GNPDA2: variants seen among roughly 807,000 people sequenced by gnomAD.
GNPDA2 encodes glcN6P deaminase 2.
GNPDA2 carries 24 observed loss-of-function variants against 27.0 expected under a neutral mutation model. The ratio of observed to expected loss-of-function variants is 0.89; its 90% confidence interval spans 0.64 to 1.25. The LOEUF is 1.25. Ranked by LOEUF, GNPDA2 falls within the 50% of genes most tolerant of loss-of-function variation. The pLI, the probability that GNPDA2 is intolerant of heterozygous loss-of-function variation, is 0.00. For missense variants in GNPDA2, 286 were observed against 335.1 expected, an observed-to-expected ratio of 0.85 and a Z score of 1.14; for synonymous variants, 94 against 108.4, an observed-to-expected ratio of 0.87 and a Z score of 0.83.
intron 2 of GNPDA2, among the ~76,000 whole-genome samples, chr4:44,721,163 T>C (rs374835205): frequency 2.0e-5 from 3 of 152,262 alleles, no homozygotes; most frequent in South Asian, 2.1e-4. Context: ...TCACGGAAAT[T>C]ACTCAAGTGG....
rs368664443 is a variant in GNPDA2, at chr4:44,707,840, G to A, written c.681C>T (p.Ser227=). The change falls in exon 6 of 7, where the codon TCC becomes TCT. Residue 227 remains serine, a synonymous_variant. Coordinates refer to ENST00000295448, the MANE Select transcript of GNPDA2 (RefSeq NM_138335.3). ...TAGTCCGGGGATGCTGCTGGAAAGC[G>A]GAAACAGTCCACATGTGATTGACTC... is the stretch of plus-strand genomic sequence containing the variant. ...EEGVNHMWTV[S]AFQQHPRTIF... 48 of 1,613,176 alleles carry A rather than the reference G, an allele frequency of 3.0e-5. No homozygotes were observed. The highest frequency in any genetic ancestry group is 2.7e-4 in the South Asian group (25 of 91,050).
intron 2 of GNPDA2, among the ~76,000 whole-genome samples, chr4:44,720,035 C>A (rs1035733879): frequency 6.6e-6 from 1 of 151,886 alleles, no homozygotes; most frequent in Non-Finnish European, 1.5e-5. Context: ...TACAATCTTG[C>A]GAGTTGGAAG....
rs930601454 is a variant in GNPDA2 at position 44,704,933 on chromosome 4, G to A, written c.770-1791C>T. 1.1e-5 allele frequency: 11 copies of A among 983,414 alleles called. No homozygotes were observed. In the East Asian group the frequency reaches 3.4e-4, roughly 30 times the overall value. 60.9% of individuals were successfully genotyped at this position (983,414 alleles called of 1,614,324 possible). A position where few individuals can be genotyped will look rare whatever the true frequency, so the allele number is the denominator to read the frequency against. ...TATTTAAAAAGCAAAAATGAAAAGC[G>A]AGAATGAATAAAACAAATCCCCACG... is the stretch of plus-strand genomic sequence containing the variant. On this transcript the variant is annotated intron_variant, in intron 6 of 6. Transcript: ENST00000295448.
intron 5 of GNPDA2, among the ~76,000 whole-genome samples, chr4:44,708,432 G>T (rs1217869264): frequency 1.3e-5 from 2 of 152,054 alleles, no homozygotes; most frequent in Non-Finnish European, 2.9e-5. Context: ...GCTATTCAAA[G>T]TTGACTCAGA....
chr4:44,706,537 A>G (rs1011943984), intron 6 of GNPDA2: 19 of 151,992 alleles, frequency 1.3e-4, no homozygotes, highest in African/African-American at 4.6e-4. Flanking sequence ...CCATATTCAC[A>G]CATATACATG....
chr4:44,703,286 A>G, intron 6 of GNPDA2, 144 bp from the exon 7 acceptor site: 1 of 1,402,706 alleles, frequency 7.1e-7, no homozygotes, highest in Non-Finnish European at 9.2e-7. Context: ...GAAAAAGTAC[A>G]AATAGAAATG....
At position 44,722,101 on chromosome 4, in the gene GNPDA2, G is replaced by A; in HGVS notation, c.107C>T (p.Thr36Ile). 6.2e-7 allele frequency: 1 copy of A among 1,610,754 alleles called. No homozygotes were observed. Among genetic ancestry groups the A allele is most frequent in the Non-Finnish European group, 8.5e-7 (1 of 1,178,120 alleles). The change falls in exon 2 of 7, where the codon ACA (threonine) becomes ATA (isoleucine). Residue 36 changes from threonine (T) to isoleucine (I), a missense_variant. By Grantham distance (89) the Thr-to-Ile change is moderately conservative (BLOSUM62 -1). Coordinates refer to ENST00000295448, the MANE Select transcript of GNPDA2 (RefSeq NM_138335.3). ...TTAATTACCTGTTGGTAAACCCAGT[G>A]TAAAATATCTGTCCTGTCCAGGTTT... ...QFKPGQDRYFTLGLPTGSTPL... is the reference protein window; with the variant it reads ...QFKPGQDRYFILGLPTGSTPL...
chr4:44,704,875 G>A, intron 6 of GNPDA2: 1 of 983,664 alleles, frequency 1.0e-6, no homozygotes. Context: ...AATTCATGAT[G>A]ATGATGTCAT....
At chr4:44,705,149 G>A (rs1344279131) in intron 6 of GNPDA2, 3 of 984,656 alleles carry the variant, frequency 3.0e-6, no homozygotes, top group Non-Finnish European at 3.6e-6. Context: ...GATGACAGAA[G>A]AAAGGGTAGT....
At chr4:44,709,892 C>A (rs548216979) in intron 5 of GNPDA2, among the ~76,000 whole-genome samples, 1 of 151,976 alleles carries the variant, frequency 6.6e-6, no homozygotes, top group Non-Finnish European at 1.5e-5. Flanking sequence ...GTGGGAAGAT[C>A]TCTTGAGCCC....
At chr4:44,704,137 A>G in intron 6 of GNPDA2, 1 of 985,186 alleles carries the variant, frequency 1.0e-6, no homozygotes, top group Non-Finnish European at 1.2e-6. Context: ...AGTACTGGGA[A>G]GTGTTTGTGT....
intron 1 of GNPDA2, among the ~76,000 whole-genome samples, chr4:44,725,113 G>C (rs1331809057): frequency 6.8e-6 from 1 of 146,852 alleles, no homozygotes; most frequent in African/African-American, 2.5e-5. Context: ...ATTTTTCTCA[G>C]TTCAACACAC....
chr4:44,724,791 C>T (rs1717909843), intron 1 of GNPDA2, among the ~76,000 whole-genome samples: 1 of 152,114 alleles, frequency 6.6e-6, no homozygotes, highest in Non-Finnish European at 1.5e-5. Context: ...TCATGGTCAC[C>T]ATGATCTAGA....
chr4:44,710,351 T>C (rs1358964130), intron 5 of GNPDA2, among the ~76,000 whole-genome samples: 1 of 152,134 alleles, frequency 6.6e-6, no homozygotes, highest in Non-Finnish European at 1.5e-5. Flanking sequence ...TTTAACTACA[T>C]ATAACCACGA....
intron 2 of GNPDA2, among the ~76,000 whole-genome samples, chr4:44,721,845 A>G (rs1013271076): frequency 1.3e-5 from 2 of 152,170 alleles, no homozygotes; most frequent in African/African-American, 4.8e-5. Context: ...TTAAGTTACA[A>G]TATTTCCTAT....
intron 4 of GNPDA2, among the ~76,000 whole-genome samples, chr4:44,714,862 A>G (rs528949048): frequency 6.6e-6 from 1 of 152,320 alleles, no homozygotes; most frequent in African/African-American, 2.4e-5. Flanking sequence ...TGGTACATAT[A>G]AAATGTCAGG....
intron 1 of GNPDA2, among the ~76,000 whole-genome samples, chr4:44,724,669 A>G (rs930693434): frequency 6.6e-6 from 1 of 152,178 alleles, no homozygotes; most frequent in Non-Finnish European, 1.5e-5. Context: ...ATAGAGTAAT[A>G]AGTCAAATTT....
intron 1 of GNPDA2, among the ~76,000 whole-genome samples, chr4:44,724,085 G>A (rs1035936560): frequency 1.3e-5 from 2 of 152,146 alleles, no homozygotes; most frequent in Non-Finnish European, 2.9e-5. Flanking sequence ...ACTTGGGCAT[G>A]GGGAGATGGG....
chr4:44,715,299 T>C (rs375689923), intron 4 of GNPDA2, among the ~76,000 whole-genome samples: 11 of 152,190 alleles, frequency 7.2e-5, no homozygotes, highest in African/African-American at 2.7e-4. Context: ...TTCCCCATAG[T>C]AAAATCTATT....
Sources: gnomAD v4.1 joint callset for allele counts (sites outside exome capture counted in the v4.1 genomes callset) on GRCh38, gnomAD v4.1.1 for gene constraint, MANE v1.5 for transcripts, NCBI Gene and HGNC (gene_info 2026-07-23, HGNC 2026-07-21) for gene names.